The following GABRB3 variants were observed in gnomAD, a reference collection of about 807,000 sequenced individuals.
The protein encoded by GABRB3 is gamma-aminobutyric acid receptor subunit beta-3.
GABRB3 carries 14 observed loss-of-function variants against 52.1 expected under a neutral mutation model. That is an observed-to-expected ratio of 0.27 (90% CI 0.18 to 0.42). GABRB3 has a LOEUF of 0.42. GABRB3 is among the 10% of genes least tolerant of loss of function. The pLI is 1.00. For synonymous variants in GABRB3, 260 were observed against 232.3 expected (o/e 1.12, Z -1.08); for missense variants, 307 against 609.1 (o/e 0.50, Z 5.22).
At chr15:26,636,880 C>T (rs1440554013) in intron 3 of GABRB3, among the ~76,000 whole-genome samples, 1 of 152,192 alleles carries the variant, frequency 6.6e-6, no homozygotes, top group East Asian at 1.9e-4. Context: ...TTCCACCATA[C>T]CTTATCACCA....
intron 3 of GABRB3, among the ~76,000 whole-genome samples, chr15:26,666,890 C>G (rs898277207): frequency 1.3e-5 from 2 of 152,176 alleles, no homozygotes; most frequent in African/African-American, 2.4e-5. Flanking sequence ...TCAGGGCTCT[C>G]TGTTTCCACT....
chr15:26,746,865 T>C (rs1023176395), intron 3 of GABRB3, among the ~76,000 whole-genome samples: 1 of 152,140 alleles, frequency 6.6e-6, no homozygotes, highest in African/African-American at 2.4e-5. Context: ...CGGGCACCTG[T>C]AGTCCAGCTA....
At chr15:26,612,224 T>A (rs1460966246) in intron 4 of GABRB3, 1 of 152,188 alleles carries the variant, frequency 6.6e-6, no homozygotes, top group African/African-American at 2.4e-5. Flanking sequence ...TATCACTGGT[T>A]ATCATTGTTC....
At chr15:26,690,449 C>T (rs2140663520) in intron 3 of GABRB3, among the ~76,000 whole-genome samples, 1 of 152,198 alleles carries the variant, frequency 6.6e-6, no homozygotes, top group South Asian at 2.1e-4. Context: ...TGGTTTCATT[C>T]TAGGCAAATA....
intron 3 of GABRB3, among the ~76,000 whole-genome samples, chr15:26,639,072 A>G (rs1213974320): frequency 6.6e-6 from 1 of 152,154 alleles, no homozygotes; most frequent in East Asian, 1.9e-4. Context: ...AAGAAGACAC[A>G]GGTCATGGCT....
intron 3 of GABRB3, among the ~76,000 whole-genome samples, chr15:26,689,929 C>T (rs529640766): frequency 6.6e-6 from 1 of 152,176 alleles, no homozygotes; most frequent in South Asian, 2.1e-4. Context: ...CAAGATTGCT[C>T]TAGGGTGCCC....
At chr15:26,720,238 ACT>A (rs1465082486) in intron 3 of GABRB3, among the ~76,000 whole-genome samples, 1 of 150,458 alleles carries the variant, frequency 6.6e-6, no homozygotes, top group African/African-American at 2.5e-5. Context: ...CCCTTCACTG[ACT>A]CTCTTTTCAG....
intron 3 of GABRB3, among the ~76,000 whole-genome samples, chr15:26,680,622 G>A (rs1481561665): frequency 6.6e-6 from 1 of 151,966 alleles, no homozygotes; most frequent in Admixed American, 6.6e-5. Flanking sequence ...TTCATTTACC[G>A]CATGATTAAA....
chr15:26,725,618 C>T (rs1889749843), intron 3 of GABRB3, among the ~76,000 whole-genome samples: 1 of 152,122 alleles, frequency 6.6e-6, no homozygotes, highest in Non-Finnish European at 1.5e-5. Flanking sequence ...AAATCTAGAA[C>T]AAGTTGACTA....
chr15:26,764,105 G>A (rs775662296), intron 3 of GABRB3, among the ~76,000 whole-genome samples: 9 of 139,734 alleles, frequency 6.4e-5, no homozygotes, highest in Non-Finnish European at 1.1e-4. Flanking sequence ...AGCTGAGATC[G>A]CACCATTGCA....
chr15:26,595,940 GCCTGAGACAAAGACATGGC>G (rs1891381721), intron 4 of GABRB3, among the ~76,000 whole-genome samples: 1 of 152,164 alleles, frequency 6.6e-6, no homozygotes, highest in Non-Finnish European at 1.5e-5. Context: ...TCTCACTGCT[GCCTGAGACAAAGACATGGC>G]CCCTGTTCGT....
chr15:26,576,100 A>G (rs1217594463), intron 6 of GABRB3, among the ~76,000 whole-genome samples: 1 of 152,256 alleles, frequency 6.6e-6, no homozygotes, highest in East Asian at 1.9e-4. Context: ...GTGTGTTCAC[A>G]GTGATATTTG....
At position 26,659,749 on chromosome 15, in the gene GABRB3, C is replaced by CA. The variant is rs570992500; in HGVS notation, c.241-38216dup. Among the ~76,000 whole-genome samples the CA allele has an allele frequency of 3.9e-5, 6 of 152,234 alleles. No individual in the cohort carries two copies. The East Asian group carries it at 7.7e-4, about 20-fold the overall frequency. On this transcript the variant is annotated intron_variant, in intron 3 of 8. Coordinates refer to ENST00000311550, the MANE Select transcript of GABRB3 (RefSeq NM_000814.6). ...AAAGGAGTAGTTTATTAGCATAATCCAGCATGTTCCTGGAGAGCAAGCACC... is the reference window on the plus strand; with the variant it reads ...AAAGGAGTAGTTTATTAGCATAATCCAAGCATGTTCCTGGAGAGCAAGCACC...
intron 6 of GABRB3, among the ~76,000 whole-genome samples, chr15:26,570,756 T>C (rs1032653662): frequency 2.0e-5 from 3 of 152,210 alleles, no homozygotes; most frequent in African/African-American, 4.8e-5. Flanking sequence ...CCATCTTCCA[T>C]GAATCCTTTC....
chr15:26,560,471 T>C (rs1234059549), intron 8 of GABRB3, among the ~76,000 whole-genome samples: 2 of 152,156 alleles, frequency 1.3e-5, no homozygotes, highest in Admixed American at 6.5e-5. Flanking sequence ...CACTTCTCAA[T>C]AGGCTGCCCA....
chr15:26,703,102 CCT>C (rs1260792711), intron 3 of GABRB3, among the ~76,000 whole-genome samples: 1 of 152,190 alleles, frequency 6.6e-6, no homozygotes, highest in Non-Finnish European at 1.5e-5. Flanking sequence ...GATCTAATCA[CCT>C]CCCAAATGCC....
chr15:26,545,546 A>T lies in GABRB3; in HGVS notation c.*2247T>A, dbSNP rs1352000654. The T allele has an allele frequency of 6.6e-6, 1 of 152,612 alleles. No individual in the cohort carries two copies. The highest frequency in any genetic ancestry group is 1.5e-5 in the Non-Finnish European group (1 of 68,044). 9.5% of individuals were successfully genotyped at this position (152,612 alleles called of 1,614,324 possible). A position where few individuals can be genotyped will look rare whatever the true frequency, so the allele number is the denominator to read the frequency against. Reference sequence around the variant, plus strand: ...TAGACCATTGACTGTTTTTGTCCACATCCATTTACATTTTGGGGTCCCTCT... The same window carrying T: ...TAGACCATTGACTGTTTTTGTCCACTTCCATTTACATTTTGGGGTCCCTCT... On this transcript the variant is annotated 3_prime_UTR_variant, in exon 9 of 9. Coordinates refer to ENST00000311550, the MANE Select transcript of GABRB3 (RefSeq NM_000814.6).
intron 3 of GABRB3, among the ~76,000 whole-genome samples, chr15:26,651,930 G>A (rs965543744): frequency 1.3e-5 from 2 of 152,174 alleles, no homozygotes; most frequent in African/African-American, 4.8e-5. Flanking sequence ...CATCTGTAGT[G>A]CATCTCCATT....
At chr15:26,664,700 C>CTTTTTTTTTTTTTTT (rs1471563872) in intron 3 of GABRB3, among the ~76,000 whole-genome samples, 1 of 92,780 alleles carries the variant, frequency 1.1e-5, no homozygotes. Flanking sequence ...CTTTTCTTTT[C>CTTTTTTTTTTTTTTT]TTTGTTTTTT....
Sources: allele counts gnomAD v4.1 joint callset (sites outside exome capture counted in the v4.1 genomes callset), GRCh38; gene constraint gnomAD v4.1.1; transcripts MANE v1.5; gene names NCBI Gene and HGNC (gene_info 2026-07-23, HGNC 2026-07-21).